The following ANKRD13A variants were observed in gnomAD, a reference collection of about 807,000 sequenced individuals.
ANKRD13A encodes ankyrin repeat domain 13A, also known as ankyrin repeat domain-containing protein 13A.
In ANKRD13A, 48 loss-of-function variants were observed where a neutral mutation model predicts 81.3. The observed-to-expected ratio is 0.59, with a 90% CI of 0.47 to 0.75. The LOEUF (loss-of-function observed/expected upper bound fraction) is 0.75. Ranked by LOEUF, ANKRD13A falls within the 30% of genes least tolerant of loss-of-function variation. The pLI is 0.00. For synonymous variants in ANKRD13A, 230 were observed against 270.1 expected (o/e 0.85, Z 1.45); for missense variants, 612 against 734.0 (o/e 0.83, Z 1.92).
Position 110,018,520 on chromosome 12 carries a change from C to A in ANKRD13A, c.544+32C>A. Reference sequence around the variant, plus strand: ...GACTTCTCTTGTAGTAATCACTGCTCAAGCAAAATTACAGGGTGATTTTTA... The same window carrying A: ...GACTTCTCTTGTAGTAATCACTGCTAAAGCAAAATTACAGGGTGATTTTTA... On this transcript the variant is annotated intron_variant, in intron 5 of 14. Coordinates refer to ENST00000261739, the MANE Select transcript of ANKRD13A (RefSeq NM_033121.2). The surrounding 1 kb of genome is among the most constrained non-coding windows in gnomAD (Gnocchi z 4.4). The A allele has an allele frequency of 1.3e-6, 2 of 1,598,842 alleles. No individual in the cohort carries two copies. Among genetic ancestry groups the A allele is most frequent in the South Asian group, 2.2e-5 (2 of 89,454 alleles).
chr12:110,031,889 A>G (rs755865090), intron 12 of ANKRD13A, among the ~76,000 whole-genome samples: 2 of 151,922 alleles, frequency 1.3e-5, no homozygotes, highest in Non-Finnish European at 2.9e-5. Context: ...TTCTTACACA[A>G]TTGCATGGCC....
intron 9 of ANKRD13A, 100 bp downstream of exon 9, chr12:110,027,866 G>A (rs1891431910): frequency 1.7e-6 from 2 of 1,170,618 alleles, no homozygotes; most frequent in Admixed American, 1.8e-5. Context: ...CCCACTCTAT[G>A]TAAAGGCCAA....
At chr12:110,014,789 CT>C (rs761398140) in intron 3 of ANKRD13A, among the ~76,000 whole-genome samples, 100 of 135,454 alleles carry the variant, frequency 7.4e-4, no homozygotes, top group Non-Finnish European at 7.1e-4. Flanking sequence ...CATTTCTCTT[CT>C]TTTTTTTTTT....
chr12:110,019,769 ATGTTTGTT>A (rs372570020), intron 6 of ANKRD13A, among the ~76,000 whole-genome samples: 62 of 152,098 alleles, frequency 4.1e-4, no homozygotes, highest in South Asian at 3.1e-3. Flanking sequence ...ATATAGTTAA[ATGTTTGTT>A]TGTTTGTTTG....
chr12:110,014,789 C>CTTTTTTTTTTTTTTTTTTTTTTTTT (rs761398140), intron 3 of ANKRD13A, among the ~76,000 whole-genome samples: 2 of 135,708 alleles, frequency 1.5e-5, no homozygotes, highest in African/African-American at 3.1e-5. Flanking sequence ...CATTTCTCTT[C>CTTTTTTTTTTTTTTTTTTTTTTTTT]TTTTTTTTTT....
intron 6 of ANKRD13A, among the ~76,000 whole-genome samples, chr12:110,019,953 G>T (rs1890994991): frequency 6.6e-6 from 1 of 152,206 alleles, no homozygotes; most frequent in African/African-American, 2.4e-5. Flanking sequence ...CACATGGAGG[G>T]CATGGGGGGG....
chr12:110,007,254 G>T (rs1251627795), intron 1 of ANKRD13A, among the ~76,000 whole-genome samples: 1 of 152,186 alleles, frequency 6.6e-6, no homozygotes, highest in Non-Finnish European at 1.5e-5. Flanking sequence ...ATTTTGATAG[G>T]AGTTGAATTG....
At chr12:110,011,975 A>G (rs565723093) in intron 1 of ANKRD13A, 30 bp from the exon 2 acceptor site, 11 of 1,571,360 alleles carry the variant, frequency 7.0e-6, no homozygotes, top group South Asian at 6.8e-5. Context: ...AATACATCCA[A>G]TTATGTAAAT....
Position 110,038,409 on chromosome 12 carries a change from T to C in ANKRD13A, c.*855T>C, listed in dbSNP as rs1316215843. Reference sequence around the variant, plus strand: ...TGAAGTGGGCAAGCTGGCCAAAATATTGGAACACACAGAACCAAACCAGGT... The same window carrying C: ...TGAAGTGGGCAAGCTGGCCAAAATACTGGAACACACAGAACCAAACCAGGT... On this transcript the variant is annotated 3_prime_UTR_variant, in exon 15 of 15. Coordinates refer to ENST00000261739, the MANE Select transcript of ANKRD13A (RefSeq NM_033121.2). 1.3e-5 allele frequency: 2 copies of C among 152,546 alleles called. No homozygotes were observed. Among genetic ancestry groups the C allele is most frequent in the Non-Finnish European group, 2.9e-5 (2 of 68,040 alleles). The allele number at this position is 152,546 out of a possible 1,614,324, so 9.4% of individuals were successfully genotyped here.
At position 109,999,817 on chromosome 12, in the gene ANKRD13A, G is replaced by A. The variant is rs1382956647; in HGVS notation, c.96+33G>A. 2 of 1,493,566 alleles carry A rather than the reference G, an allele frequency of 1.3e-6. No individual in the cohort carries two copies. The highest frequency in any genetic ancestry group is 2.2e-5 in the Admixed American group (1 of 44,872). The allele number at this position is 1,493,566 out of a possible 1,614,324, so 92.5% of individuals were successfully genotyped here. A position where few individuals can be genotyped will look rare whatever the true frequency, so the allele number is the denominator to read the frequency against. The stretch of plus-strand genomic sequence containing the variant: ...GCGGGGCGGGGGTCCGTCTCCCGGT[G>A]GGGACTTCGGGGAATCGGGGGTCGT... On this transcript the variant is annotated intron_variant, in intron 1 of 14. Transcript: ENST00000261739. This position sits in a 1 kb window ranked among gnomAD's most constrained non-coding sequence, Gnocchi z 4.3.
chr12:110,007,015 G>A (rs1890275487), intron 1 of ANKRD13A, among the ~76,000 whole-genome samples: 1 of 152,216 alleles, frequency 6.6e-6, no homozygotes, highest in African/African-American at 2.4e-5. Context: ...CCATAAATGT[G>A]TGGGTTTATT....
intron 6 of ANKRD13A, among the ~76,000 whole-genome samples, chr12:110,019,924 T>G (rs1482302496): frequency 6.6e-6 from 1 of 152,194 alleles, no homozygotes; most frequent in Non-Finnish European, 1.5e-5. Context: ...ACACCATCAC[T>G]GGTCATGTGC....
Position 110,027,977 on chromosome 12 carries a change from T to C in ANKRD13A, c.945+211T>C, listed in dbSNP as rs1249899711. On this transcript the variant is annotated intron_variant, in intron 9 of 14. Coordinates refer to ENST00000261739, the MANE Select transcript of ANKRD13A (RefSeq NM_033121.2). ...GATTTTAGAGGAGGGGTAGTGATTATAGAAATCAGGTGCTTTCCCTCTTAT... is the reference window on the plus strand; with the variant it reads ...GATTTTAGAGGAGGGGTAGTGATTACAGAAATCAGGTGCTTTCCCTCTTAT... 8.9e-6 allele frequency: 5 copies of C among 563,798 alleles called. No homozygotes were observed. The Admixed American group carries it at 1.3e-4, about 14-fold the overall frequency. The allele number at this position is 563,798 out of a possible 1,614,324, so 34.9% of individuals were successfully genotyped here.
At chr12:110,023,966 A>C (rs144337427) in intron 6 of ANKRD13A, 80 bp from the exon 7 acceptor site, 5 of 1,433,364 alleles carry the variant, frequency 3.5e-6, no homozygotes, top group Non-Finnish European at 4.8e-6. Flanking sequence ...CTGGGGGGGA[A>C]AAAAACTATA....
chr12:110,019,399 A>G, intron 6 of ANKRD13A, 71 bp downstream of exon 6: 4 of 1,389,174 alleles, frequency 2.9e-6, no homozygotes, highest in Non-Finnish European at 3.9e-6. Flanking sequence ...GTATGTATTA[A>G]TTGTAAATTA....
chr12:110,028,478 G>A, intron 9 of ANKRD13A, 34 bp from the exon 10 acceptor site: 1 of 1,611,588 alleles, frequency 6.2e-7, no homozygotes, highest in Admixed American at 1.7e-5. Flanking sequence ...ACATCATTTG[G>A]CATTTCTGAC....
chr12:110,023,216 C>T (rs998638680), intron 6 of ANKRD13A, among the ~76,000 whole-genome samples: 1 of 152,104 alleles, frequency 6.6e-6, no homozygotes. Flanking sequence ...GTCAGGGATC[C>T]CCTGTGAGAG....
At chr12:110,009,652 T>A (rs1890413232) in intron 1 of ANKRD13A, among the ~76,000 whole-genome samples, 1 of 152,178 alleles carries the variant, frequency 6.6e-6, no homozygotes, top group Admixed American at 6.5e-5. Context: ...ATTACAGCAT[T>A]TTTTTTCGAC....
intron 6 of ANKRD13A, 85 bp downstream of exon 6, chr12:110,019,413 A>G: frequency 1.5e-6 from 2 of 1,311,152 alleles, no homozygotes; most frequent in Non-Finnish European, 2.1e-6. Flanking sequence ...TAAATTATGG[A>G]TGGATTGGGC....
Sources: allele counts gnomAD v4.1 joint callset (sites outside exome capture counted in the v4.1 genomes callset), GRCh38; gene constraint gnomAD v4.1.1; non-coding constraint Gnocchi (gnomAD v3.1); transcripts MANE v1.5; gene names NCBI Gene and HGNC (gene_info 2026-07-23, HGNC 2026-07-21).